Variants in TNKS observed in about 807,000 individuals in gnomAD.
TNKS encodes poly [ADP-ribose] polymerase tankyrase-1.
Under a neutral mutation model 135.8 loss-of-function variants are expected in TNKS, and 72 were observed. The ratio of observed to expected loss-of-function variants is 0.53; its 90% CI spans 0.44 to 0.64. TNKS has a LOEUF of 0.64. Among genes scored for constraint, TNKS ranks in the 30% least tolerant of loss-of-function variants. The pLI is 0.00. For missense variants in TNKS, 1,769 were observed against 1,674.0 expected (o/e 1.06, Z -0.99); for synonymous variants, 849 against 649.3 (o/e 1.31, Z -4.68).
At chr8:9,754,229 C>A (rs907970351) in intron 20 of TNKS, among the ~76,000 whole-genome samples, 2 of 152,172 alleles carry the variant, frequency 1.3e-5, no homozygotes, top group African/African-American at 4.8e-5. Flanking sequence ...CCATTCAGCC[C>A]ACTACAACAT....
At chr8:9,577,365 C>T (rs916207593) in intron 1 of TNKS, among the ~76,000 whole-genome samples, 1 of 151,546 alleles carries the variant, frequency 6.6e-6, no homozygotes, top group Non-Finnish European at 1.5e-5. Flanking sequence ...TTAGTCCGTT[C>T]TTGCATTGCT....
At chr8:9,614,682 C>T (rs759763116) in intron 2 of TNKS, among the ~76,000 whole-genome samples, 11 of 152,166 alleles carry the variant, frequency 7.2e-5, no homozygotes, top group Non-Finnish European at 1.6e-4. Context: ...TTGAATTTTA[C>T]TTACTGGAAC....
At position 9,748,113 on chromosome 8, in the gene TNKS, C is replaced by G. The variant is rs757463250; in HGVS notation, c.2733C>G (p.Ala911=). The part of the protein sequence containing the change: ...KWAFTPLHEA[A]QKGRTQLCAL... ...CGTTTACTCCCCTCCATGAAGCAGC[C>G]CAGAAAGGAAGGACGCAGCTGTGCG... Residue 911 remains alanine, a synonymous_variant, in exon 18 of 27, where the codon GCC becomes GCG. Coordinates refer to ENST00000310430, the MANE Select transcript of TNKS (RefSeq NM_003747.3). 5.0e-6 allele frequency: 8 copies of G among 1,613,926 alleles called. No homozygotes were observed. The African/African-American group carries it at 1.1e-4, about 22-fold the overall frequency.
intron 5 of TNKS, among the ~76,000 whole-genome samples, chr8:9,697,680 A>C (rs1374156832): frequency 6.6e-6 from 1 of 152,200 alleles, no homozygotes; most frequent in Non-Finnish European, 1.5e-5. Context: ...ACAAACATGA[A>C]AAAATGCTTA....
rs763371557 is a variant in TNKS, at chr8:9,780,038, C to T, written c.*3302C>T. The T allele has an allele frequency of 3.3e-5, 5 of 152,078 alleles. No homozygotes were observed. Among genetic ancestry groups the T allele is most frequent in the East Asian group, 3.8e-4 (2 of 5,196 alleles). 9.4% of individuals were successfully genotyped at this position (152,078 alleles called of 1,614,324 possible). A position where few individuals can be genotyped will look rare whatever the true frequency, so the allele number is the denominator to read the frequency against. On this transcript the variant is annotated 3_prime_UTR_variant, in exon 27 of 27. Transcript: ENST00000310430. ...CAGAGAAATGCCTGAATATGGCAAG[C>T]AAATAATGTAGATTAACATTCTATT...
intron 3 of TNKS, among the ~76,000 whole-genome samples, chr8:9,657,759 G>A (rs1585288223): frequency 6.9e-6 from 1 of 145,618 alleles, no homozygotes; most frequent in African/African-American, 2.5e-5. Context: ...CCCGGACGGG[G>A]CGGCTGGCCG....
chr8:9,780,620 TA>T lies in TNKS; in HGVS notation c.*3887del, dbSNP rs1414724727. ...AGCAACTTGTGCACTCTGCCATTAA[TA>T]AATTAAATTTTTCCCCTCTAGAAAG... On this transcript the variant is annotated 3_prime_UTR_variant, in exon 27 of 27. Coordinates refer to ENST00000310430, the MANE Select transcript of TNKS (RefSeq NM_003747.3). The T allele has an allele frequency of 6.6e-6, 1 of 152,228 alleles. No individual in the cohort carries two copies. Among genetic ancestry groups the T allele is most frequent in the Non-Finnish European group, 1.5e-5 (1 of 68,034 alleles). 9.4% of individuals were successfully genotyped at this position (152,228 alleles called of 1,614,324 possible).
intron 2 of TNKS, among the ~76,000 whole-genome samples, chr8:9,593,637 T>C (rs914530405): frequency 2.0e-5 from 3 of 152,204 alleles, no homozygotes; most frequent in Non-Finnish European, 4.4e-5. Context: ...AATACCTCTC[T>C]GTTAATTTCC....
intron 3 of TNKS, among the ~76,000 whole-genome samples, chr8:9,629,496 A>G (rs1280880335): frequency 6.6e-6 from 1 of 152,210 alleles, no homozygotes; most frequent in Non-Finnish European, 1.5e-5. Flanking sequence ...TCTGACTGCA[A>G]TGGTTAGTGC....
chr8:9,595,346 A>G (rs1213102362), intron 2 of TNKS, among the ~76,000 whole-genome samples: 2 of 152,098 alleles, frequency 1.3e-5, no homozygotes, highest in East Asian at 1.9e-4. Flanking sequence ...CCATACTTGT[A>G]TCCTTAAAAC....
At chr8:9,762,707 C>A (rs893952058) in intron 21 of TNKS, among the ~76,000 whole-genome samples, 2 of 151,926 alleles carry the variant, frequency 1.3e-5, no homozygotes, top group Non-Finnish European at 2.9e-5. Context: ...TTGAGACTAT[C>A]CTGGCTAACA....
rs182271093 is a variant in TNKS at position 9,663,929 on chromosome 8, C to G, written c.995-16022C>G. On this transcript the variant is annotated intron_variant, in intron 3 of 26. Coordinates refer to ENST00000310430, the MANE Select transcript of TNKS (RefSeq NM_003747.3). ...CCTTGGGGTTTCTCTGGAGGCTTCA[C>G]TGTGGCCAATTGATTATATCATTCC... Among the ~76,000 whole-genome samples the G allele has an allele frequency of 7.9e-5, 12 of 152,240 alleles. No homozygotes were observed. The South Asian group carries it at 1.2e-3, about 16-fold the overall frequency.
rs1271140198 is a variant in TNKS at position 9,735,405 on chromosome 8, A to G, written c.2562A>G (p.Glu854=). The G allele has an allele frequency of 1.9e-6, 3 of 1,614,086 alleles. No individual in the cohort carries two copies. The highest frequency in any genetic ancestry group is 2.5e-6 in the Non-Finnish European group (3 of 1,180,014). Residue 854 remains glutamate (E), a synonymous_variant, in exon 17 of 27, where the codon GAA becomes GAG. Transcript: ENST00000310430. Reference sequence around the variant, plus strand: ...GCTATAATAACCTGGAAGTAGCTGAATATCTTCTAGAGCATGGAGCTGATG... The same window carrying G: ...GCTATAATAACCTGGAAGTAGCTGAGTATCTTCTAGAGCATGGAGCTGATG... The part of the protein sequence containing the change: ...AAGYNNLEVA[E]YLLEHGADVN...
chr8:9,600,782 A>T (rs150528377), intron 2 of TNKS, among the ~76,000 whole-genome samples: 120 of 152,272 alleles, frequency 7.9e-4, no homozygotes, highest in Non-Finnish European at 1.4e-3. Context: ...TCACTTTTAT[A>T]TGAAAGACAA....
chr8:9,702,085 G>C (rs371328394), intron 5 of TNKS, among the ~76,000 whole-genome samples: 1 of 152,180 alleles, frequency 6.6e-6, no homozygotes, highest in Non-Finnish European at 1.5e-5. Flanking sequence ...ACTAAAGGCT[G>C]CTCTGGCCCT....
chr8:9,640,590 T>C (rs1800690016), intron 3 of TNKS, among the ~76,000 whole-genome samples: 1 of 146,098 alleles, frequency 6.8e-6, no homozygotes, highest in Non-Finnish European at 1.5e-5. Flanking sequence ...ATATGCACGG[T>C]AATGATTAAG....
chr8:9,716,970 A>G (rs1804632641), intron 11 of TNKS, among the ~76,000 whole-genome samples: 1 of 149,916 alleles, frequency 6.7e-6, no homozygotes, highest in African/African-American at 2.5e-5. Context: ...TTGGATTGGC[A>G]CCCTCTAGTC....
At chr8:9,690,734 G>C (rs1420057226) in intron 5 of TNKS, among the ~76,000 whole-genome samples, 2 of 152,282 alleles carry the variant, frequency 1.3e-5, no homozygotes, top group East Asian at 3.9e-4. Flanking sequence ...TTTACTATTT[G>C]TGGCAACTTG....
intron 3 of TNKS, among the ~76,000 whole-genome samples, chr8:9,652,402 T>G (rs764205912): frequency 6.6e-6 from 1 of 152,232 alleles, no homozygotes; most frequent in Non-Finnish European, 1.5e-5. Flanking sequence ...TTTAAGGCCC[T>G]GTCTTTTTTT....
Sources: allele counts gnomAD v4.1 joint callset (sites outside exome capture counted in the v4.1 genomes callset), GRCh38; gene constraint gnomAD v4.1.1; transcripts MANE v1.5; gene names NCBI Gene and HGNC (gene_info 2026-07-23, HGNC 2026-07-21).